ODAD3: variants seen among roughly 807,000 people sequenced by gnomAD.
ODAD3 encodes the protein outer dynein arm-docking complex subunit 3.
ODAD3 carries 57 observed loss-of-function variants against 70.9 expected under a neutral mutation model. The observed-to-expected ratio is 0.80, with a 90% confidence interval of 0.65 to 1.00. ODAD3 has a LOEUF of 1.00. Ranked by LOEUF, ODAD3 falls within the 50% of genes least tolerant of loss-of-function variation. The pLI, the probability that ODAD3 is intolerant of heterozygous loss-of-function variation, is 0.00. For synonymous variants in ODAD3, 327 were observed against 315.9 expected, an observed-to-expected ratio of 1.04 and a Z score of -0.37; for missense variants, 797 against 763.9, an observed-to-expected ratio of 1.04 and a Z score of -0.51.
intron 1 of ODAD3, among the ~76,000 whole-genome samples, chr19:11,432,610 G>A (rs1460993417): frequency 6.6e-6 from 1 of 151,992 alleles, no homozygotes; most frequent in African/African-American, 2.4e-5. Context: ...GGTGTTCAAC[G>A]GTCAACTGTA....
rs569880314 is a variant in ODAD3 at position 11,421,973 on chromosome 19, G to A, written c.1435-141C>T. 44 of 870,604 alleles carry A rather than the reference G, an allele frequency of 5.1e-5. No individual in the cohort carries two copies. The African/African-American group carries it at 5.4e-4, about 11-fold the overall frequency. 53.9% of individuals were successfully genotyped at this position (870,604 alleles called of 1,614,324 possible). A position where few individuals can be genotyped will look rare whatever the true frequency, so the allele number is the denominator to read the frequency against. ...AGGGTCGATCCTAGCCATTGGGGGC[G>A]GGGACTTAGGTCAAGGCCACGTCTG... On this transcript the variant is annotated intron_variant, in intron 10 of 12. Coordinates refer to ENST00000356392, the MANE Select transcript of ODAD3 (RefSeq NM_145045.5).
At chr19:11,425,362 C>CACATGTACATATGTGT (rs1969311389) in intron 7 of ODAD3, among the ~76,000 whole-genome samples, 5 of 102,260 alleles carry the variant, frequency 4.9e-5, no homozygotes, top group East Asian at 3.0e-4. Flanking sequence ...TGTATATGTA[C>CACATGTACATATGTGT]ATATGTGTAT....
chr19:11,431,198 G>T, intron 1 of ODAD3, 178 bp from the exon 2 acceptor site: 1 of 705,492 alleles, frequency 1.4e-6, no homozygotes, highest in Non-Finnish European at 2.3e-6. Context: ...CACAGCCTCC[G>T]CCTCCCGGGT....
chr19:11,435,444 G>A, upstream of ODAD3: 1 of 362,072 alleles, frequency 2.8e-6, no homozygotes, highest in Non-Finnish European at 5.3e-6. Flanking sequence ...CAAGATGGAG[G>A]TACGCTGCGC....
rs778270617 is a variant in ODAD3 at position 11,421,682 on chromosome 19, G to T, written c.1585C>A (p.Arg529Ser). ...GCCCCATGGCTGCAGGGCACCTCGC[G>T]GTTAGCGATGTGGCACAGCATCTCC... ...VQEMLCHIAN[R>S]EFLASLEGRL... Residue 529 changes from arginine (R) to serine (S), a missense_variant, in exon 11 of 13, where the codon CGC becomes AGC. By Grantham distance (110) the Arg-to-Ser change is moderately radical (BLOSUM62 -1). Transcript: ENST00000356392. The T allele has an allele frequency of 2.5e-6, 4 of 1,611,960 alleles. No homozygotes were observed. The South Asian group carries it at 3.3e-5, about 13-fold the overall frequency.
intron 3 of ODAD3, among the ~76,000 whole-genome samples, chr19:11,430,128 T>A (rs570035579): frequency 6.1e-4 from 93 of 152,170 alleles, no homozygotes; most frequent in African/African-American, 1.6e-3. Flanking sequence ...TTATTTTTTT[T>A]AATTATTTTT....
intron 7 of ODAD3, 150 bp from the exon 8 acceptor site, chr19:11,424,179 C>T: frequency 1.0e-6 from 1 of 1,003,514 alleles, no homozygotes; most frequent in South Asian, 1.6e-5. Context: ...CAGATAAAGG[C>T]ACCCGGGCAG....
At chr19:11,428,427 G>C (rs928902938) in intron 3 of ODAD3, among the ~76,000 whole-genome samples, 1 of 152,148 alleles carries the variant, frequency 6.6e-6, no homozygotes, top group Non-Finnish European at 1.5e-5. Flanking sequence ...ATTTTTGGTA[G>C]AGACAGGGTT....
At position 11,426,499 on chromosome 19, in the gene ODAD3, C is replaced by G. The variant is rs757046319; in HGVS notation, c.787G>C (p.Glu263Gln). 1.2e-6 allele frequency: 2 copies of G among 1,614,058 alleles called. No homozygotes were observed. Among genetic ancestry groups the G allele is most frequent in the Non-Finnish European group, 1.7e-6 (2 of 1,179,974 alleles). Residue 263 changes from glutamate (E) to glutamine (Q), a missense_variant, in exon 6 of 13, where the codon GAG (glutamate) becomes CAG (glutamine). Transcript: ENST00000356392. ...AEVVRTKHEL[E>Q]ALHVVNQEAL... The stretch of plus-strand genomic sequence containing the variant: ...TCTTGGTTCACCACGTGCAGTGCCT[C>G]CAGCTCATGTTTGGTCCTCACCACC...
At chr19:11,427,489 T>G (rs942396189) in intron 3 of ODAD3, among the ~76,000 whole-genome samples, 5 of 148,754 alleles carry the variant, frequency 3.4e-5, no homozygotes, top group African/African-American at 1.2e-4. Flanking sequence ...TTTTCTTTTT[T>G]TTTTTTTTTT....
At chr19:11,425,063 G>GTA (rs1255934309) in intron 7 of ODAD3, among the ~76,000 whole-genome samples, 1 of 123,034 alleles carries the variant, frequency 8.1e-6, no homozygotes. Flanking sequence ...GTGTATATGT[G>GTA]TATATATGTA....
chr19:11,431,043 A>T (rs2144780991), intron 1 of ODAD3, 23 bp from the exon 2 acceptor site: 1 of 1,613,974 alleles, frequency 6.2e-7, no homozygotes, highest in Non-Finnish European at 8.5e-7. Flanking sequence ...TGAGGTGGAC[A>T]GACACACAGT....
intron 1 of ODAD3, among the ~76,000 whole-genome samples, chr19:11,434,240 A>AAC (rs1969586442): frequency 6.7e-6 from 1 of 149,842 alleles, no homozygotes; most frequent in Non-Finnish European, 1.5e-5. Flanking sequence ...ACAAAAAAAA[A>AAC]CGCGGGTGCA....
intron 2 of ODAD3, 54 bp downstream of exon 2, chr19:11,430,845 G>C: frequency 6.2e-7 from 1 of 1,613,844 alleles, no homozygotes; most frequent in Non-Finnish European, 8.5e-7. Flanking sequence ...CTACCTACTT[G>C]TCCCCCACCA....
Position 11,430,263 on chromosome 19 carries a change from G to A in ODAD3, c.444+436C>T, listed in dbSNP as rs572015193. ...AGCGATTCTCCTGCCTCAGCCTCCC[G>A]AGTAGCTGGGATTACAGGCACGTGC... On this transcript the variant is annotated intron_variant, in intron 3 of 12. Transcript: ENST00000356392. 2.0e-3 allele frequency among the ~76,000 whole-genome samples: 300 copies of A among 151,904 alleles called. 1 individual carries two copies. Among genetic ancestry groups the A allele is most frequent in the African/African-American group, 6.3e-3 (261 of 41,418 alleles).
chr19:11,435,546 C>G (rs910288847), upstream of ODAD3: 2 of 581,876 alleles, frequency 3.4e-6, no homozygotes, highest in Non-Finnish European at 5.6e-6. Context: ...CGCCCCCACT[C>G]CTGCCTCTCC....
chr19:11,422,420 C>A lies in ODAD3; in HGVS notation c.1434+51G>T, dbSNP rs1162393685. 2 of 1,478,542 alleles carry A rather than the reference C, an allele frequency of 1.4e-6. No individual in the cohort carries two copies. Among genetic ancestry groups the A allele is most frequent in the Non-Finnish European group, 1.8e-6 (2 of 1,111,158 alleles). 91.6% of individuals were successfully genotyped at this position (1,478,542 alleles called of 1,614,324 possible). ...GCAGGAACCCCGCTTCGTGGCTGCG[C>A]CTCTGCGGTCCCAGGAGGGCCTGTC... On this transcript the variant is annotated intron_variant, in intron 10 of 12. Transcript: ENST00000356392. The surrounding 1 kb of genome is among the most constrained non-coding windows in gnomAD (Gnocchi z 4.6).
intron 5 of ODAD3, 37 bp from the exon 6 acceptor site, chr19:11,426,608 A>G: frequency 6.2e-7 from 1 of 1,613,720 alleles, no homozygotes; most frequent in Non-Finnish European, 8.5e-7. Context: ...GAGATGGTGC[A>G]GGTCTGTGAC....
intron 7 of ODAD3, among the ~76,000 whole-genome samples, chr19:11,425,296 T>TATGTAC (rs1568349622): frequency 7.5e-6 from 1 of 132,550 alleles, no homozygotes; most frequent in Non-Finnish European, 1.5e-5. Context: ...CATATGTGTA[T>TATGTAC]ATATGTGTAT....
Sources: allele counts gnomAD v4.1 joint callset (sites outside exome capture counted in the v4.1 genomes callset), GRCh38; gene constraint gnomAD v4.1.1; non-coding constraint Gnocchi (gnomAD v3.1); transcripts MANE v1.5; gene names NCBI Gene and HGNC (gene_info 2026-07-23, HGNC 2026-07-21).